Variants in CELSR2 observed in about 807,000 individuals in gnomAD.
CELSR2 encodes cadherin EGF LAG seven-pass G-type receptor 2.
Under a neutral mutation model 251.6 loss-of-function variants are expected in CELSR2, and 81 were observed. The observed-to-expected ratio is 0.32, with a 90% CI of 0.27 to 0.39. The LOEUF is 0.39. Among genes scored for constraint, CELSR2 ranks in the 10% least tolerant of loss-of-function variants. CELSR2 has a pLI of 1.00. For missense variants in CELSR2, 3,365 were observed against 3,947.7 expected (o/e 0.85, Z 3.96); for synonymous variants, 1,721 against 1,670.5 (o/e 1.03, Z -0.74).
chr1:109,267,186 G>A (rs1041713626), intron 15 of CELSR2, among the ~76,000 whole-genome samples: 2 of 152,040 alleles, frequency 1.3e-5, no homozygotes, highest in Admixed American at 6.5e-5. Context: ...AGTAGGGGGT[G>A]TTGGCTGCTG....
Position 109,249,986 on chromosome 1 carries a change from C to T in CELSR2, c.-94C>T, listed in dbSNP as rs1407801016. On this transcript the variant is annotated 5_prime_UTR_variant, in exon 1 of 34. Transcript: ENST00000271332. ...ACGGGAGGCCCCCGGGGACTGGCGC[C>T]CTGGCCCGGGCATGAGGCGCGGCGG... is the stretch of plus-strand genomic sequence containing the variant. 3.4e-6 allele frequency: 4 copies of T among 1,166,756 alleles called. No homozygotes were observed. The highest frequency in any genetic ancestry group is 1.6e-5 in the African/African-American group (1 of 62,018). 72.3% of individuals were successfully genotyped at this position (1,166,756 alleles called of 1,614,324 possible). A position where few individuals can be genotyped will look rare whatever the true frequency, so the allele number is the denominator to read the frequency against.
chr1:109,265,183 C>A lies in CELSR2; in HGVS notation c.5607-8C>A. The A allele has an allele frequency of 6.3e-7, 1 of 1,589,382 alleles. No individual in the cohort carries two copies. The highest frequency in any genetic ancestry group is 8.6e-7 in the Non-Finnish European group (1 of 1,166,174). The stretch of plus-strand genomic sequence containing the variant: ...GGAGCTCATGCCTACCTGGGTCCCT[C>A]TCTGCAGGATTGACCAGCCTTGTCC... On this transcript the variant is annotated splice_region_variant and splice_polypyrimidine_tract_variant and intron_variant, in intron 12 of 33. Transcript: ENST00000271332.
Position 109,264,615 on chromosome 1 carries a change from C to T in CELSR2, c.5451C>T (p.Cys1817=). Residue 1817 remains cysteine (C), a synonymous_variant, in exon 11 of 34, where the codon TGC becomes TGT. Coordinates refer to ENST00000271332, the MANE Select transcript of CELSR2 (RefSeq NM_001408.3). ...GCAACGACTGGGACAGCTATTCCTG[C>T]AGCTGTGATCCAGGTATGCTAAGGA... ...YCSNDWDSYS[C]SCDPGYYGDN... 6.2e-7 allele frequency: 1 copy of T among 1,612,722 alleles called. No homozygotes were observed.
rs377639803 is a variant in CELSR2 at position 109,261,234 on chromosome 1, G to A, written c.4151G>A (p.Arg1384His). ...TCCTTCATCACCTTTCGCGGCCTGC[G>A]CCAGCGTTTCCACTTCACCCTGGCC... ...AHSFITFRGL[R>H]QRFHFTLALS... Residue 1384 changes from arginine to histidine, a missense_variant, in exon 3 of 34, where the codon CGC becomes CAC. Arg to His is a conservative substitution (Grantham distance 29). This residue lies in a region of CELSR2 where 2,093 missense variants were observed against 2,382.8 expected (regional missense o/e 0.88). Transcript: ENST00000271332. This position sits in a 1 kb window ranked among gnomAD's most constrained non-coding sequence, Gnocchi z 4.8. 5.6e-6 allele frequency: 9 copies of A among 1,613,600 alleles called. No individual in the cohort carries two copies. The highest frequency in any genetic ancestry group is 4.5e-5 in the East Asian group (2 of 44,894).
At chr1:109,267,773 G>A in intron 16 of CELSR2, 78 bp from the exon 17 acceptor site, 1 of 1,566,038 alleles carries the variant, frequency 6.4e-7, no homozygotes, top group South Asian at 1.2e-5. Flanking sequence ...AGCTGGAGAG[G>A]CCGTCTCTCA....
At chr1:109,260,623 C>G (rs907675756) in intron 2 of CELSR2, among the ~76,000 whole-genome samples, 7 of 152,158 alleles carry the variant, frequency 4.6e-5, no homozygotes, top group African/African-American at 1.7e-4. Context: ...TCCTGCAGGC[C>G]CATCTGCTTG....
rs764506135 is a variant in CELSR2, at chr1:109,266,224, C to T, written c.6013+18C>T. 5.0e-6 allele frequency: 8 copies of T among 1,613,282 alleles called. No homozygotes were observed. The highest frequency in any genetic ancestry group is 2.2e-5 in the South Asian group (2 of 91,046). On this transcript the variant is annotated intron_variant, in intron 15 of 33. Coordinates refer to ENST00000271332, the MANE Select transcript of CELSR2 (RefSeq NM_001408.3). ...CTCCTTTGGTAGGTGTTGGAGGCCC[C>T]GATGTGATGTCGAGGACATGGCCTC... is the stretch of plus-strand genomic sequence containing the variant.
At chr1:109,263,354 C>T in intron 8 of CELSR2, 87 bp downstream of exon 8, 2 of 1,496,872 alleles carry the variant, frequency 1.3e-6, no homozygotes, top group Non-Finnish European at 1.8e-6. Flanking sequence ...CTGGGCAGGG[C>T]TCTGCTGAGC....
Position 109,259,088 on chromosome 1 carries a change from AG to A in CELSR2, c.3958+12del. 1.3e-6 allele frequency: 2 copies of A among 1,562,174 alleles called. No individual in the cohort carries two copies. The highest frequency in any genetic ancestry group is 8.6e-7 in the Non-Finnish European group (1 of 1,158,122). On this transcript the variant is annotated intron_variant, in intron 2 of 33. Coordinates refer to ENST00000271332, the MANE Select transcript of CELSR2 (RefSeq NM_001408.3). ...TCGTGATGGCTACACGGGTGAGCCA[AG>A]GGAGGGGACTCATGGGCCAGCCCTG...
rs1656454068 is a variant in CELSR2 at position 109,274,034 on chromosome 1, T to G, written c.8757T>G (p.Phe2919Leu). 1.9e-6 allele frequency: 3 copies of G among 1,614,016 alleles called. No individual in the cohort carries two copies. Among genetic ancestry groups the G allele is most frequent in the Non-Finnish European group, 1.7e-6 (2 of 1,180,022 alleles). ...EDSSGSEFLF[F>L]NFLH Reference sequence around the variant, plus strand: ...CCTGCCTCTCCAGATTTCTCTTCTTTAACTTCCTGCATTAACCCTGGGCCG... The same window carrying G: ...CCTGCCTCTCCAGATTTCTCTTCTTGAACTTCCTGCATTAACCCTGGGCCG... The change falls in exon 34 of 34, where the codon TTT becomes TTG. Residue 2919 changes from phenylalanine (F) to leucine (L), a missense_variant. By Grantham distance (22) the Phe-to-Leu change is conservative (BLOSUM62 0). Around this residue, in one of 5 missense-constraint regions of CELSR2, gnomAD observed 2,093 missense variants for 2,382.8 expected, o/e 0.88. Coordinates refer to ENST00000271332, the MANE Select transcript of CELSR2 (RefSeq NM_001408.3).
In CELSR2 at chr1:109,261,673, C is replaced by G; in HGVS notation, c.4297+45C>G. On this transcript the variant is annotated intron_variant, in intron 4 of 33. Coordinates refer to ENST00000271332, the MANE Select transcript of CELSR2 (RefSeq NM_001408.3). The surrounding 1 kb of genome is among the most constrained non-coding windows in gnomAD (Gnocchi z 4.8). ...ATCCTTGCCCATCTTCCAAAGGCCC[C>G]AAGTCTTCCAGCCCCTGACCCCAAG... The G allele has an allele frequency of 6.3e-7, 1 of 1,580,180 alleles. No individual in the cohort carries two copies. Among genetic ancestry groups the G allele is most frequent in the East Asian group, 2.2e-5 (1 of 44,688 alleles).
chr1:109,275,567 G>T lies in CELSR2; in HGVS notation c.*1518G>T, dbSNP rs746528080. On this transcript the variant is annotated 3_prime_UTR_variant, in exon 34 of 34. Coordinates refer to ENST00000271332, the MANE Select transcript of CELSR2 (RefSeq NM_001408.3). ...CTCCCCTCAGCAATTCCTGCAAAGGGTTAAAAATTTAACTGGTTTTTACTA... is the reference window on the plus strand; with the variant it reads ...CTCCCCTCAGCAATTCCTGCAAAGGTTTAAAAATTTAACTGGTTTTTACTA... The T allele has an allele frequency of 6.6e-6, 1 of 152,174 alleles. No individual in the cohort carries two copies. Among genetic ancestry groups the T allele is most frequent in the Non-Finnish European group, 1.5e-5 (1 of 68,042 alleles). The allele number at this position is 152,174 out of a possible 1,614,324, so 9.4% of individuals were successfully genotyped here. A position where few individuals can be genotyped will look rare whatever the true frequency, so the allele number is the denominator to read the frequency against.
chr1:109,269,967 AC>A lies in CELSR2; in HGVS notation c.7143del (p.Tyr2381Ter). On this transcript the variant is annotated frameshift_variant, in exon 23 of 34. Transcript: ENST00000271332. LOFTEE classifies it high-confidence loss of function. The surrounding 1 kb of genome is among the most constrained non-coding windows in gnomAD (Gnocchi z 6.4). ...GEILPLKTLT[Y>X]VALGVTLAAL... is the part of the protein sequence containing the mutation. ...ATCCTGCCACTGAAGACACTGACAT[AC>A]GTGGCTCTAGGTGTCACCTTGGCTG... The A allele has an allele frequency of 6.2e-7, 1 of 1,614,034 alleles. No individual in the cohort carries two copies. The highest frequency in any genetic ancestry group is 8.5e-7 in the Non-Finnish European group (1 of 1,179,990).
At position 109,275,706 on chromosome 1, in the gene CELSR2, T is replaced by C. The variant is rs549054796; in HGVS notation, c.*1657T>C. 1 of 152,372 alleles carries C rather than the reference T, an allele frequency of 6.6e-6. No homozygotes were observed. Among genetic ancestry groups the C allele is most frequent in the Admixed American group, 6.5e-5 (1 of 15,308 alleles). 9.4% of individuals were successfully genotyped at this position (152,372 alleles called of 1,614,324 possible). ...ATAGGGTAGCGTTTTGTTGTTGTTGTTTTTTCATGCCCCATACTACTGAAT... is the reference window on the plus strand; with the variant it reads ...ATAGGGTAGCGTTTTGTTGTTGTTGCTTTTTCATGCCCCATACTACTGAAT... On this transcript the variant is annotated 3_prime_UTR_variant, in exon 34 of 34. Transcript: ENST00000271332.
At position 109,261,394 on chromosome 1, in the gene CELSR2, C is replaced by T. The variant is rs1472128381; in HGVS notation, c.4182-119C>T. On this transcript the variant is annotated intron_variant, in intron 3 of 33. Coordinates refer to ENST00000271332, the MANE Select transcript of CELSR2 (RefSeq NM_001408.3). The surrounding 1 kb of genome is among the most constrained non-coding windows in gnomAD (Gnocchi z 4.8). Reference sequence around the variant, plus strand: ...GGCTGCCGGCAGAGCCAGGTCTGCTCTTGGAGTTGCCTGTGGTTCTGCCAG... The same window carrying T: ...GGCTGCCGGCAGAGCCAGGTCTGCTTTTGGAGTTGCCTGTGGTTCTGCCAG... 4 of 1,340,160 alleles carry T rather than the reference C, an allele frequency of 3.0e-6. No individual in the cohort carries two copies. Among genetic ancestry groups the T allele is most frequent in the South Asian group, 1.2e-5 (1 of 81,606 alleles). The allele number at this position is 1,340,160 out of a possible 1,614,324, so 83.0% of individuals were successfully genotyped here. A position where few individuals can be genotyped will look rare whatever the true frequency, so the allele number is the denominator to read the frequency against.
chr1:109,271,624 G>C lies in CELSR2; in HGVS notation c.7828G>C (p.Val2610Leu). ...IQGPFIFLSY[V>L]VLSKEVRKAL... is the part of the protein sequence containing the mutation. ...GGGCCCCTTCATCTTCCTCTCCTAT[G>C]TGGTGCTTAGCAAGGAGGTCCGGAA... is the stretch of plus-strand genomic sequence containing the variant. Residue 2610 changes from valine to leucine, a missense_variant, in exon 28 of 34, where the codon GTG becomes CTG. Physicochemically the swap from Val to Leu is conservative, Grantham distance 32. Coordinates refer to ENST00000271332, the MANE Select transcript of CELSR2 (RefSeq NM_001408.3). The C allele has an allele frequency of 6.2e-7, 1 of 1,614,106 alleles. No homozygotes were observed. Among genetic ancestry groups the C allele is most frequent in the Non-Finnish European group, 8.5e-7 (1 of 1,180,028 alleles).
rs200386563 is a variant in CELSR2, at chr1:109,273,620, C to T, written c.8694C>T (p.Ile2898=). The change falls in exon 33 of 34, where the codon ATC becomes ATT. Residue 2898 remains isoleucine (I), a synonymous_variant. Transcript: ENST00000271332. ...LQEQLNGVMP[I]AMSIKAGTVD... ...AGCAGCTGAACGGGGTCATGCCCAT[C>T]GCCATGAGCATCAAGGCAGGCACGG... The T allele has an allele frequency of 3.7e-5, 57 of 1,528,238 alleles. No homozygotes were observed. The African/African-American group carries it at 6.6e-4, about 18-fold the overall frequency. 94.7% of individuals were successfully genotyped at this position (1,528,238 alleles called of 1,614,324 possible).
At chr1:109,263,336 G>T (rs966648469) in intron 8 of CELSR2, 69 bp downstream of exon 8, 30 of 1,523,912 alleles carry the variant, frequency 2.0e-5, no homozygotes, top group Non-Finnish European at 2.6e-5. Flanking sequence ...GCAGGGTTGG[G>T]GCAGGCACTG....
Position 109,258,653 on chromosome 1 carries a change from G to A in CELSR2, c.3532G>A (p.Gly1178Ser). The change falls in exon 2 of 34, where the codon GGC (glycine) becomes AGC (serine). Residue 1178 changes from glycine (G) to serine (S), a missense_variant. Around this residue, in one of 5 missense-constraint regions of CELSR2, gnomAD observed 2,093 missense variants for 2,382.8 expected, o/e 0.88. Transcript: ENST00000271332. ...NVQRDTDAPG[G>S]HILNVSLSVG... ...ACAGCGGGACACCGACGCCCCCGGG[G>A]GCCACATCCTCAACGTGAGCCTGTC... 1.3e-6 allele frequency: 2 copies of A among 1,550,218 alleles called. No individual in the cohort carries two copies. Among genetic ancestry groups the A allele is most frequent in the Non-Finnish European group, 1.7e-6 (2 of 1,146,180 alleles).
Sources: gnomAD v4.1 joint callset for allele counts (sites outside exome capture counted in the v4.1 genomes callset) on GRCh38, gnomAD v4.1.1 for gene constraint, gnomAD v4.1.1 regional missense constraint, Gnocchi (gnomAD v3.1) non-coding constraint, MANE v1.5 for transcripts, NCBI Gene and HGNC (gene_info 2026-07-23, HGNC 2026-07-21) for gene names.